The following SYNJ2 variants were observed in gnomAD, a reference collection of about 807,000 sequenced individuals.
SYNJ2 encodes the protein synaptojanin 2.
Under a neutral mutation model 141.3 loss-of-function variants are expected in SYNJ2, and 116 were observed. That is an observed-to-expected ratio of 0.82 (90% CI 0.71 to 0.96). The LOEUF (loss-of-function observed/expected upper bound fraction) is 0.96, where lower values mean the gene tolerates loss of function less well. SYNJ2 is among the 40% of genes least tolerant of loss of function. SYNJ2 has a pLI of 0.00. For synonymous variants in SYNJ2, 745 were observed against 777.7 expected (o/e 0.96, Z 0.70); for missense variants, 1,873 against 1,934.8 (o/e 0.97, Z 0.60).
At chr6:158,037,116 A>G (rs1779677221) in intron 4 of SYNJ2, among the ~76,000 whole-genome samples, 1 of 152,200 alleles carries the variant, frequency 6.6e-6, no homozygotes, top group African/African-American at 2.4e-5. Flanking sequence ...CCCATAATAA[A>G]GTACCCCAAA....
Position 158,059,332 on chromosome 6 carries a change from G to A in SYNJ2, c.933G>A (p.Glu311=). 6.4e-7 allele frequency: 1 copy of A among 1,550,664 alleles called. No homozygotes were observed. Among genetic ancestry groups the A allele is most frequent in the African/African-American group, 1.4e-5 (1 of 73,194 alleles). Residue 311 remains glutamate (E), a synonymous_variant, in exon 7 of 27, where the codon GAG becomes GAA. Coordinates refer to ENST00000355585, the MANE Select transcript of SYNJ2 (RefSeq NM_003898.4). ...TTCTGGGAAGCAGAGGCGGAGAGGA[G>A]GTGCTCAACAGAGCCTTCAAGGTAA... is the stretch of plus-strand genomic sequence containing the variant. The part of the protein sequence containing the change: ...VNLLGSRGGE[E]VLNRAFKKLL...
Position 158,098,841 on chromosome 6 carries a change from C to A in SYNJ2, c.*2477C>A, listed in dbSNP as rs2128406753. The stretch of plus-strand genomic sequence containing the variant: ...TTGTCTCTCTGACCCCAAGCCTAGT[C>A]CCTTTTACATCACCATCTTCTCAGA... On this transcript the variant is annotated 3_prime_UTR_variant, in exon 27 of 27. Coordinates refer to ENST00000355585, the MANE Select transcript of SYNJ2 (RefSeq NM_003898.4). The A allele has an allele frequency of 6.6e-6, 1 of 152,318 alleles. No homozygotes were observed. Among genetic ancestry groups the A allele is most frequent in the Admixed American group, 6.5e-5 (1 of 15,302 alleles). 9.4% of individuals were successfully genotyped at this position (152,318 alleles called of 1,614,324 possible).
intron 6 of SYNJ2, 28 bp from the exon 7 acceptor site, chr6:158,059,229 C>T: frequency 1.3e-6 from 2 of 1,528,946 alleles, no homozygotes; most frequent in Non-Finnish European, 1.8e-6. Context: ...CCGTGCCCAG[C>T]ATCACGCCCA....
chr6:158,024,622 G>A (rs576615702), intron 2 of SYNJ2, among the ~76,000 whole-genome samples: 3 of 152,320 alleles, frequency 2.0e-5, no homozygotes, highest in African/African-American at 7.2e-5. Flanking sequence ...GACCAGTTAG[G>A]TATCACTGGA....
At chr6:157,991,647 C>CCG in intron 1 of SYNJ2, among the ~76,000 whole-genome samples, 1 of 152,230 alleles carries the variant, frequency 6.6e-6, no homozygotes, top group African/African-American at 2.4e-5. Context: ...AAACATGTCA[C>CCG]TGTCACCATC....
intron 1 of SYNJ2, among the ~76,000 whole-genome samples, chr6:157,997,415 G>A (rs995012378): frequency 6.6e-6 from 1 of 152,256 alleles, no homozygotes; most frequent in African/African-American, 2.4e-5. Context: ...GCAGACGCAC[G>A]CAGAGGGGAG....
Position 158,027,412 on chromosome 6 carries a change from G to A in SYNJ2, c.215-1344G>A. ...TGATCTCTTGGGCCCCGTCCCGAGA[G>A]TGAGGCACGGCGCCACCAGGCACCC... On this transcript the variant is annotated intron_variant, in intron 2 of 26. Coordinates refer to ENST00000355585, the MANE Select transcript of SYNJ2 (RefSeq NM_003898.4). This position sits in a 1 kb window ranked among gnomAD's most constrained non-coding sequence, Gnocchi z 4.6. The A allele has an allele frequency of 5.7e-6, 1 of 176,858 alleles. No homozygotes were observed. Among genetic ancestry groups the A allele is most frequent in the South Asian group, 1.9e-4 (1 of 5,306 alleles). 11.0% of individuals were successfully genotyped at this position (176,858 alleles called of 1,614,324 possible).
At chr6:157,990,578 C>T (rs1376165268) in intron 1 of SYNJ2, among the ~76,000 whole-genome samples, 2 of 152,130 alleles carry the variant, frequency 1.3e-5, no homozygotes, top group African/African-American at 2.4e-5. Flanking sequence ...ACTTGGGTTG[C>T]GGGAGGGGGC....
In SYNJ2 at chr6:158,073,903, T is replaced by G. The variant is rs200696611; in HGVS notation, c.2134-677T>G. 2.7e-5 allele frequency among the ~76,000 whole-genome samples: 4 copies of G among 150,376 alleles called. No individual in the cohort carries two copies. The East Asian group carries it at 5.8e-4, about 22-fold the overall frequency. ...AAGTGCCTTTGTTTCTGAACTTTGT[T>G]TTTTTTTTTTTAATCTAAGAGAGAG... On this transcript the variant is annotated intron_variant, in intron 15 of 26. Transcript: ENST00000355585.
chr6:158,087,591 T>A (rs1435801903), intron 23 of SYNJ2, among the ~76,000 whole-genome samples: 1 of 152,178 alleles, frequency 6.6e-6, no homozygotes, highest in Non-Finnish European at 1.5e-5. Flanking sequence ...ACTGTTTACT[T>A]CTCCCTCCCC....
intron 4 of SYNJ2, among the ~76,000 whole-genome samples, chr6:158,035,213 T>C (rs1018747639): frequency 2.0e-5 from 3 of 152,248 alleles, no homozygotes; most frequent in Non-Finnish European, 2.9e-5. Context: ...TCTAGTTCTA[T>C]GAAGAATGTC....
At chr6:158,013,909 G>A (rs571043930) in intron 1 of SYNJ2, among the ~76,000 whole-genome samples, 1 of 152,338 alleles carries the variant, frequency 6.6e-6, no homozygotes, top group Non-Finnish European at 1.5e-5. Context: ...ATGTGTGTTT[G>A]ATAAACTGTA....
At position 158,066,601 on chromosome 6, in the gene SYNJ2, C is replaced by T. The variant is rs777960971; in HGVS notation, c.1683C>T (p.Asp561=). 2.5e-6 allele frequency: 4 copies of T among 1,613,772 alleles called. No individual in the cohort carries two copies. The highest frequency in any genetic ancestry group is 2.7e-5 in the African/African-American group (2 of 74,932). Reference sequence around the variant, plus strand: ...CGGAGCTGACAGACTGGCTGCTCGACTCGCCCCAGCTCTCGGGAGCTACCG... The same window carrying T: ...CGGAGCTGACAGACTGGCTGCTCGATTCGCCCCAGCTCTCGGGAGCTACCG... ...RTAELTDWLL[D]SPQLSGATDS... is the part of the protein sequence containing the mutation. Residue 561 remains aspartate, a synonymous_variant, in exon 12 of 27, where the codon GAC becomes GAT. Coordinates refer to ENST00000355585, the MANE Select transcript of SYNJ2 (RefSeq NM_003898.4).
In SYNJ2 at chr6:158,096,237, G is replaced by A. The variant is rs1254215684; in HGVS notation, c.4364G>A (p.Gly1455Asp). The change falls in exon 27 of 27, where the codon GGC becomes GAC. Residue 1455 changes from glycine to aspartate, a missense_variant. Gly to Asp is a moderately conservative substitution (Grantham distance 94). Coordinates refer to ENST00000355585, the MANE Select transcript of SYNJ2 (RefSeq NM_003898.4). ...GATCCCATAGACCCAGTGTCAGCTG[G>A]CGCTTCAGCTGCCAAGGCAGAGCTG... Reference protein sequence around the residue: ...KRDPIDPVSAGASAAKAELPP... With the variant: ...KRDPIDPVSADASAAKAELPP... The A allele has an allele frequency of 6.2e-7, 1 of 1,614,222 alleles. No individual in the cohort carries two copies. Among genetic ancestry groups the A allele is most frequent in the South Asian group, 1.1e-5 (1 of 91,088 alleles).
Position 158,089,891 on chromosome 6 carries a change from C to T in SYNJ2, c.3509C>T (p.Thr1170Ile), listed in dbSNP as rs762615484. ...SKPYNVKQIKTTNAQEAEAAI... is the reference protein window; with the variant it reads ...SKPYNVKQIKITNAQEAEAAI... ...CCTTATAATGTCAAGCAGATCAAAA[C>T]CACCAATGCCCAGGAGGCAGAAGCA... is the stretch of plus-strand genomic sequence containing the variant. Residue 1170 changes from threonine to isoleucine, a missense_variant, in exon 25 of 27, where the codon ACC (threonine) becomes ATC (isoleucine). Coordinates refer to ENST00000355585, the MANE Select transcript of SYNJ2 (RefSeq NM_003898.4). 6 of 1,614,102 alleles carry T rather than the reference C, an allele frequency of 3.7e-6. No homozygotes were observed. Among genetic ancestry groups the T allele is most frequent in the Middle Eastern group, 1.6e-4 (1 of 6,062 alleles).
At chr6:158,023,131 G>A (rs1353114498) in intron 2 of SYNJ2, among the ~76,000 whole-genome samples, 2 of 152,032 alleles carry the variant, frequency 1.3e-5, no homozygotes, top group African/African-American at 2.4e-5. Context: ...GGTGGTGCAC[G>A]CCTGTAGTCC....
At position 158,095,758 on chromosome 6, in the gene SYNJ2, G is replaced by A. The variant is rs1034129462; in HGVS notation, c.3885G>A (p.Gly1295=). 6.2e-7 allele frequency: 1 copy of A among 1,614,076 alleles called. No individual in the cohort carries two copies. Among genetic ancestry groups the A allele is most frequent in the Non-Finnish European group, 8.5e-7 (1 of 1,180,042 alleles). ...PVPKPRTFQP[G]KAAERPSHRK... ...CCAAACCAAGAACATTTCAGCCTGG[G>A]AAAGCTGCAGAGAGGCCAAGCCACA... The change falls in exon 27 of 27, where the codon GGG becomes GGA. Residue 1295 remains glycine, a synonymous_variant. Transcript: ENST00000355585.
At chr6:157,990,663 T>C (rs1398319727) in intron 1 of SYNJ2, among the ~76,000 whole-genome samples, 1 of 152,060 alleles carries the variant, frequency 6.6e-6, no homozygotes, top group African/African-American at 2.4e-5. Flanking sequence ...TGTAGCAAAA[T>C]GGCCAAATTT....
chr6:158,082,774 C>T (rs914002857), intron 20 of SYNJ2, among the ~76,000 whole-genome samples: 6 of 150,010 alleles, frequency 4.0e-5, no homozygotes, highest in Non-Finnish European at 7.4e-5. Flanking sequence ...TAGTTCTCGC[C>T]GAGTTACTTG....
Sources: gnomAD v4.1 joint callset for allele counts (sites outside exome capture counted in the v4.1 genomes callset) on GRCh38, gnomAD v4.1.1 for gene constraint, Gnocchi (gnomAD v3.1) non-coding constraint, MANE v1.5 for transcripts, NCBI Gene and HGNC (gene_info 2026-07-23, HGNC 2026-07-21) for gene names.